ARID1B: variants seen among roughly 807,000 people sequenced by gnomAD.
ARID1B encodes AT-rich interaction domain 1B.
A neutral mutation model predicts 212.3 loss-of-function variants in ARID1B; 30 were observed. The ratio of observed to expected loss-of-function variants is 0.14; its 90% CI spans 0.11 to 0.19. ARID1B has a LOEUF of 0.19. ARID1B is among the 10% of genes least tolerant of loss of function. ARID1B has a pLI of 1.00. For synonymous variants in ARID1B, 1,402 were observed against 1,301.7 expected (o/e 1.08, Z -1.66); for missense variants, 2,891 against 3,204.0 (o/e 0.90, Z 2.36).
intron 4 of ARID1B, among the ~76,000 whole-genome samples, chr6:157,068,261 A>G (rs1312629575): frequency 6.6e-5 from 10 of 152,232 alleles, no homozygotes; most frequent in Non-Finnish European, 1.2e-4. Flanking sequence ...GAACTTAATT[A>G]TGAATTTTTG....
At chr6:157,052,264 A>G (rs1016201648) in intron 4 of ARID1B, among the ~76,000 whole-genome samples, 11 of 152,236 alleles carry the variant, frequency 7.2e-5, no homozygotes, top group Non-Finnish European at 1.6e-4. Context: ...CAAGCTTCTC[A>G]GCCTGTGTGA....
At chr6:156,871,238 T>TA (rs1786103199) in intron 2 of ARID1B, among the ~76,000 whole-genome samples, 2 of 152,218 alleles carry the variant, frequency 1.3e-5, no homozygotes, top group Non-Finnish European at 2.9e-5. Flanking sequence ...AGGGCAGGGA[T>TA]ACTGTAGCTT....
At chr6:157,170,507 T>G (rs1791645519) in intron 9 of ARID1B, among the ~76,000 whole-genome samples, 1 of 152,196 alleles carries the variant, frequency 6.6e-6, no homozygotes, top group Non-Finnish European at 1.5e-5. Flanking sequence ...CCTCCCACCA[T>G]ATACAAAGGA....
intron 2 of ARID1B, among the ~76,000 whole-genome samples, chr6:156,846,078 C>G (rs910549867): frequency 6.6e-6 from 1 of 152,124 alleles, no homozygotes; most frequent in Non-Finnish European, 1.5e-5. Flanking sequence ...TGAAGGGCTC[C>G]TCTGCAGTGT....
intron 4 of ARID1B, among the ~76,000 whole-genome samples, chr6:157,025,927 ATT>A (rs950310929): frequency 6.9e-5 from 10 of 145,874 alleles, no homozygotes; most frequent in East Asian, 2.0e-4. Flanking sequence ...GCTGGAATAG[ATT>A]TTTTTTTTTT....
intron 1 of ARID1B, among the ~76,000 whole-genome samples, chr6:156,783,707 A>C (rs1287150713): frequency 6.6e-6 from 1 of 152,060 alleles, no homozygotes; most frequent in African/African-American, 2.4e-5. Flanking sequence ...GAAATTTTCT[A>C]CTCCGTTTGG....
At chr6:156,999,407 A>T (rs1778786629) in intron 4 of ARID1B, among the ~76,000 whole-genome samples, 1 of 152,234 alleles carries the variant, frequency 6.6e-6, no homozygotes, top group Non-Finnish European at 1.5e-5. Context: ...TGGCTCTTCA[A>T]AAGGTTAGAG....
chr6:157,110,640 C>T, intron 6 of ARID1B, 79 bp downstream of exon 6: 1 of 1,278,792 alleles, frequency 7.8e-7, no homozygotes, highest in Non-Finnish European at 1.1e-6. Flanking sequence ...TACCTATGCA[C>T]CTCCTTATCA....
Position 157,148,516 on chromosome 6 carries a change from C to A in ARID1B, c.2762-108C>A. The A allele has an allele frequency of 8.0e-7, 1 of 1,256,004 alleles. No individual in the cohort carries two copies. The highest frequency in any genetic ancestry group is 1.1e-6 in the Non-Finnish European group (1 of 914,598). 77.8% of individuals were successfully genotyped at this position (1,256,004 alleles called of 1,614,324 possible). The stretch of plus-strand genomic sequence containing the variant: ...AGCAACAGGAAGGGCCTATAACGGT[C>A]ATGACTAATACTCCGTGCTGATCGC... On this transcript the variant is annotated intron_variant, in intron 7 of 19. Coordinates refer to ENST00000636930, the MANE Select transcript of ARID1B (RefSeq NM_001374828.1). This position sits in a 1 kb window ranked among gnomAD's most constrained non-coding sequence, Gnocchi z 5.6.
intron 5 of ARID1B, among the ~76,000 whole-genome samples, chr6:157,110,051 A>G (rs978094237): frequency 4.6e-5 from 7 of 152,190 alleles, no homozygotes; most frequent in Non-Finnish European, 7.3e-5. Context: ...AAGTCTATTG[A>G]TATTACTGTA....
intron 4 of ARID1B, among the ~76,000 whole-genome samples, chr6:157,080,135 T>C (rs2128451907): frequency 6.6e-6 from 1 of 152,324 alleles, no homozygotes; most frequent in African/African-American, 2.4e-5. Flanking sequence ...GGGGCACTTC[T>C]GAGCAAGAGA....
chr6:157,078,703 A>G (rs1055689250), intron 4 of ARID1B, among the ~76,000 whole-genome samples: 6 of 152,188 alleles, frequency 3.9e-5, no homozygotes, highest in African/African-American at 1.2e-4. Context: ...TTTATTTTAG[A>G]TGCTGATTTT....
At chr6:157,059,391 T>C (rs1301957025) in intron 4 of ARID1B, among the ~76,000 whole-genome samples, 1 of 152,240 alleles carries the variant, frequency 6.6e-6, no homozygotes, top group African/African-American at 2.4e-5. Context: ...CGTGTTTTCC[T>C]TTCTTACCTG....
chr6:157,041,225 C>T (rs1781852843), intron 4 of ARID1B, among the ~76,000 whole-genome samples: 1 of 152,070 alleles, frequency 6.6e-6, no homozygotes, highest in African/African-American at 2.4e-5. Flanking sequence ...GATAACCGTG[C>T]CTTGTATATC....
intron 2 of ARID1B, among the ~76,000 whole-genome samples, chr6:156,897,171 A>G (rs1026389788): frequency 4.0e-5 from 6 of 148,992 alleles, no homozygotes; most frequent in African/African-American, 1.5e-4. Flanking sequence ...AGTGAAGCAA[A>G]TTCTTCTTTT....
At chr6:156,815,509 A>G (rs548696789) in intron 1 of ARID1B, among the ~76,000 whole-genome samples, 1 of 152,272 alleles carries the variant, frequency 6.6e-6, no homozygotes, top group African/African-American at 2.4e-5. Flanking sequence ...AGTGCTTTTC[A>G]TACTGTCAGA....
chr6:157,066,183 T>C (rs1277485670), intron 4 of ARID1B, among the ~76,000 whole-genome samples: 3 of 152,234 alleles, frequency 2.0e-5, no homozygotes, highest in Non-Finnish European at 4.4e-5. Context: ...TCAAGGAGTT[T>C]CTGTCAATAT....
rs1298818684 is a variant in ARID1B, at chr6:157,198,941, T to C, written c.4479+34T>C. Reference sequence around the variant, plus strand: ...GCAAGTGGGCGTGGGGTGCTGTGTTTTCTGGTTCTGTCCTGGAGGCTAAAA... The same window carrying C: ...GCAAGTGGGCGTGGGGTGCTGTGTTCTCTGGTTCTGTCCTGGAGGCTAAAA... On this transcript the variant is annotated intron_variant, in intron 17 of 19. Coordinates refer to ENST00000636930, the MANE Select transcript of ARID1B (RefSeq NM_001374828.1). 6 of 1,527,326 alleles carry C rather than the reference T, an allele frequency of 3.9e-6. No individual in the cohort carries two copies. In the African/African-American group the frequency reaches 5.4e-5, roughly 14 times the overall value. 94.6% of individuals were successfully genotyped at this position (1,527,326 alleles called of 1,614,324 possible).
intron 4 of ARID1B, among the ~76,000 whole-genome samples, chr6:157,049,419 G>A (rs755850796): frequency 3.9e-5 from 6 of 152,172 alleles, no homozygotes; most frequent in Non-Finnish European, 7.4e-5. Flanking sequence ...AGAGAAGTAC[G>A]GGGAGGGACA....
Sources: gnomAD v4.1 joint callset for allele counts (sites outside exome capture counted in the v4.1 genomes callset) on GRCh38, gnomAD v4.1.1 for gene constraint, Gnocchi (gnomAD v3.1) non-coding constraint, MANE v1.5 for transcripts, NCBI Gene and HGNC (gene_info 2026-07-23, HGNC 2026-07-21) for gene names.